Variants in STXBP5 observed in about 807,000 individuals in gnomAD.
STXBP5 encodes syntaxin binding protein 5.
In STXBP5, 50 loss-of-function variants were observed where a neutral mutation model predicts 152.4. That is an observed-to-expected ratio of 0.33 (90% CI 0.26 to 0.42). The LOEUF is 0.42. Among genes scored for constraint, STXBP5 ranks in the 10% least tolerant of loss-of-function variants. The pLI is 1.00. For synonymous variants in STXBP5, 492 were observed against 494.7 expected, an observed-to-expected ratio of 0.99 and a Z score of 0.07; for missense variants, 1,167 against 1,388.6, an observed-to-expected ratio of 0.84 and a Z score of 2.54.
intron 4 of STXBP5, among the ~76,000 whole-genome samples, chr6:147,248,388 A>T (rs1438331946): frequency 6.6e-6 from 1 of 152,134 alleles, no homozygotes; most frequent in Non-Finnish European, 1.5e-5. Context: ...GCAAATGTAT[A>T]TTACAATATG....
At chr6:147,260,560 T>C in intron 4 of STXBP5, 55 bp from the exon 5 acceptor site, 2 of 1,604,902 alleles carry the variant, frequency 1.2e-6, no homozygotes, top group African/African-American at 1.3e-5. Context: ...CTAATGCAAT[T>C]AGTAAAATTT....
chr6:147,320,040 G>A (rs1485084299), intron 16 of STXBP5, among the ~76,000 whole-genome samples: 1 of 151,432 alleles, frequency 6.6e-6, no homozygotes, highest in Non-Finnish European at 1.5e-5. Flanking sequence ...TGGGTTTTCG[G>A]CATGTTACCC....
At chr6:147,284,924 A>C (rs1385293327) in intron 8 of STXBP5, among the ~76,000 whole-genome samples, 1 of 152,226 alleles carries the variant, frequency 6.6e-6, no homozygotes, top group Non-Finnish European at 1.5e-5. Context: ...ATGATAGTAC[A>C]TCAGGTGGGC....
chr6:147,311,353 C>T, intron 10 of STXBP5, 102 bp from the exon 11 acceptor site: 1 of 978,768 alleles, frequency 1.0e-6, no homozygotes, highest in Non-Finnish European at 1.6e-6. Flanking sequence ...ATGTTAAATA[C>T]TCAAGAGAAT....
In STXBP5 at chr6:147,281,335, G is replaced by T. The variant is rs557340712; in HGVS notation, c.838+3131G>T. Among the ~76,000 whole-genome samples, 9 of 152,324 alleles carry T rather than the reference G, an allele frequency of 5.9e-5. No homozygotes were observed. In the South Asian group the frequency reaches 1.7e-3, roughly 28 times the overall value. ...AGCCTCCCAAAGTGCTGGGATTACA[G>T]GCATGAGCCACCATGCCTGGCCAGC... On this transcript the variant is annotated intron_variant, in intron 8 of 27. Transcript: ENST00000321680.
intron 3 of STXBP5, among the ~76,000 whole-genome samples, chr6:147,238,749 T>A (rs1207403986): frequency 6.6e-6 from 1 of 152,206 alleles, no homozygotes; most frequent in Admixed American, 6.5e-5. Flanking sequence ...CTGGGTATAG[T>A]ACTTCCATAA....
intron 8 of STXBP5, among the ~76,000 whole-genome samples, chr6:147,284,556 T>A (rs905037120): frequency 6.6e-6 from 1 of 152,160 alleles, no homozygotes; most frequent in African/African-American, 2.4e-5. Context: ...AAATAAGTGG[T>A]GACTGGTTTT....
At chr6:147,329,330 T>C (rs555793789) in intron 18 of STXBP5, among the ~76,000 whole-genome samples, 1 of 149,688 alleles carries the variant, frequency 6.7e-6, no homozygotes, top group East Asian at 1.9e-4. Context: ...AGTTTTTCTT[T>C]ATTAGTTTAA....
intron 22 of STXBP5, 31 bp downstream of exon 22, chr6:147,353,404 A>T (rs542085077): frequency 6.9e-7 from 1 of 1,445,330 alleles, no homozygotes; most frequent in East Asian, 2.4e-5. Context: ...AAATAATTTA[A>T]CTCCCTATAA....
intron 7 of STXBP5, 60 bp downstream of exon 7, chr6:147,267,227 T>TA (rs1377863079): frequency 1.4e-6 from 2 of 1,404,164 alleles, no homozygotes; most frequent in Admixed American, 4.9e-5. Flanking sequence ...GCAGTTTCTC[T>TA]AAAAACTTAA....
At chr6:147,233,782 A>G (rs1206834124) in intron 2 of STXBP5, among the ~76,000 whole-genome samples, 1 of 151,200 alleles carries the variant, frequency 6.6e-6, no homozygotes, top group Non-Finnish European at 1.5e-5. Context: ...TTTGAATTCT[A>G]GTTTCCTGCA....
chr6:147,210,881 G>T (rs1776815354), intron 2 of STXBP5, among the ~76,000 whole-genome samples: 1 of 152,008 alleles, frequency 6.6e-6, no homozygotes, highest in Non-Finnish European at 1.5e-5. Context: ...TTAATTTTCA[G>T]GTCCTTCATT....
chr6:147,278,059 G>A (rs780248043), intron 7 of STXBP5, 22 bp from the exon 8 acceptor site: 1 of 1,581,606 alleles, frequency 6.3e-7, no homozygotes, highest in Non-Finnish European at 8.6e-7. Flanking sequence ...TTTTTTAAAT[G>A]GTATTTTTCA....
chr6:147,267,240 G>A (rs1321936026), intron 7 of STXBP5, 73 bp downstream of exon 7: 4 of 1,316,618 alleles, frequency 3.0e-6, no homozygotes, highest in Non-Finnish European at 4.2e-6. Context: ...AAACTTAATT[G>A]GTAATTTTAC....
intron 4 of STXBP5, among the ~76,000 whole-genome samples, chr6:147,244,557 G>T (rs1323168595): frequency 6.6e-6 from 1 of 152,074 alleles, no homozygotes; most frequent in Non-Finnish European, 1.5e-5. Flanking sequence ...TTAATGAATG[G>T]TGTCTTATAA....
At chr6:147,303,925 G>A (rs1177205855) in intron 9 of STXBP5, among the ~76,000 whole-genome samples, 1 of 152,102 alleles carries the variant, frequency 6.6e-6, no homozygotes, top group Non-Finnish European at 1.5e-5. Flanking sequence ...GAGATTATTT[G>A]GTGTTATCTG....
intron 4 of STXBP5, among the ~76,000 whole-genome samples, chr6:147,250,478 T>C (rs1406641851): frequency 1.3e-5 from 2 of 152,200 alleles, no homozygotes; most frequent in African/African-American, 4.8e-5. Flanking sequence ...TAGAAATGAT[T>C]TAAAGTATAT....
intron 27 of STXBP5, among the ~76,000 whole-genome samples, chr6:147,383,540 A>ACTGGC (rs138281415): frequency 0.013 from 2,036 of 152,186 alleles, 38 homozygotes; most frequent in African/African-American, 0.046. Context: ...GGGATCCCTG[A>ACTGGC]CTGGCCCCCT....
At chr6:147,330,682 C>T (rs993701618) in intron 18 of STXBP5, among the ~76,000 whole-genome samples, 2 of 152,122 alleles carry the variant, frequency 1.3e-5, no homozygotes, top group Admixed American at 1.3e-4. Flanking sequence ...CTGGTAACTA[C>T]ATTGATGACT....
Sources: allele counts gnomAD v4.1 joint callset (sites outside exome capture counted in the v4.1 genomes callset), GRCh38; gene constraint gnomAD v4.1.1; transcripts MANE v1.5; gene names NCBI Gene and HGNC (gene_info 2026-07-23, HGNC 2026-07-21).